LCA5: variants seen among roughly 807,000 people sequenced by gnomAD.
The protein encoded by LCA5 is lebercilin LCA5.
A neutral mutation model predicts 53.0 loss-of-function variants in LCA5; 37 were observed. The observed-to-expected ratio is 0.70, with a 90% confidence interval of 0.54 to 0.92. The LOEUF is 0.92. Ranked by LOEUF, LCA5 falls within the 40% of genes least tolerant of loss-of-function variation. The pLI is 0.00. For missense variants in LCA5, 806 were observed against 790.5 expected, an observed-to-expected ratio of 1.02 and a Z score of -0.23; for synonymous variants, 303 against 282.9, an observed-to-expected ratio of 1.07 and a Z score of -0.71.
At chr6:79,518,593 C>T (rs1287433844) in intron 2 of LCA5, 112 bp downstream of exon 2, 3 of 976,144 alleles carry the variant, frequency 3.1e-6, no homozygotes, top group Non-Finnish European at 4.9e-6. Context: ...CAGCCCACTT[C>T]CATGTATACA....
At chr6:79,493,099 A>C (rs1769887229) in intron 4 of LCA5, among the ~76,000 whole-genome samples, 1 of 152,106 alleles carries the variant, frequency 6.6e-6, no homozygotes, top group Non-Finnish European at 1.5e-5. Context: ...GATAATATAT[A>C]ATTTTGCACT....
upstream of LCA5, among the ~76,000 whole-genome samples, chr6:79,538,535 T>A (rs973922411): frequency 6.6e-6 from 1 of 152,198 alleles, no homozygotes; most frequent in African/African-American, 2.4e-5. Flanking sequence ...AGATGAGTAA[T>A]CCCTAAATTG....
intron 1 of LCA5, among the ~76,000 whole-genome samples, chr6:79,529,944 C>A (rs1211341560): frequency 8.8e-6 from 1 of 114,018 alleles, no homozygotes; most frequent in Non-Finnish European, 1.7e-5. Context: ...CATCACACAC[C>A]AGGGGCTGTT....
In LCA5 at chr6:79,485,901, A is replaced by G. The variant is rs914681205; in HGVS notation, c.*1103T>C. On this transcript the variant is annotated 3_prime_UTR_variant, in exon 8 of 8. Transcript: ENST00000369846. ...ATCCAAGGTCATCAACTTCTCTATA[A>G]GCTGAAGTGAATTACAAACAGCCAA... The G allele has an allele frequency of 3.3e-5, 5 of 152,196 alleles. No individual in the cohort carries two copies. Among genetic ancestry groups the G allele is most frequent in the East Asian group, 3.8e-4 (2 of 5,202 alleles). The allele number at this position is 152,196 out of a possible 1,614,324, so 9.4% of individuals were successfully genotyped here.
intron 1 of LCA5, among the ~76,000 whole-genome samples, chr6:79,531,338 G>T (rs1403183643): frequency 2.0e-5 from 3 of 152,060 alleles, no homozygotes; most frequent in Non-Finnish European, 2.9e-5. Context: ...CAAGGATTGT[G>T]CGTCTGCAAT....
intron 1 of LCA5, among the ~76,000 whole-genome samples, chr6:79,530,159 C>G (rs377285860): frequency 2.2e-4 from 34 of 151,910 alleles, no homozygotes; most frequent in African/African-American, 7.5e-4. Context: ...TATTTCTAAC[C>G]CAGGTTTTGA....
intron 3 of LCA5, among the ~76,000 whole-genome samples, chr6:79,504,860 T>C (rs1280030588): frequency 1.3e-5 from 2 of 152,150 alleles, no homozygotes; most frequent in Non-Finnish European, 2.9e-5. Context: ...CATGATAATA[T>C]GTAAAAAGTG....
intron 3 of LCA5, among the ~76,000 whole-genome samples, chr6:79,507,276 A>AT (rs968969748): frequency 9.2e-5 from 14 of 152,130 alleles, no homozygotes; most frequent in African/African-American, 2.4e-4. Flanking sequence ...GGAAATATAG[A>AT]TTTTTTGTTA....
chr6:79,501,604 C>T (rs1299351161), intron 3 of LCA5, among the ~76,000 whole-genome samples: 2 of 151,744 alleles, frequency 1.3e-5, no homozygotes, highest in Non-Finnish European at 2.9e-5. Flanking sequence ...GAAAGGCTTA[C>T]TGAATTTACT....
At chr6:79,491,849 T>C in intron 5 of LCA5, 119 bp from the exon 6 acceptor site, 1 of 780,672 alleles carries the variant, frequency 1.3e-6, no homozygotes, top group East Asian at 2.7e-5. Context: ...TACATTTATA[T>C]GCACCACTTC....
intron 2 of LCA5, 120 bp downstream of exon 2, chr6:79,518,585 G>T: frequency 1.1e-6 from 1 of 892,520 alleles, no homozygotes; most frequent in Non-Finnish European, 1.9e-6. Flanking sequence ...ACGTAAATCA[G>T]CCCACTTCCA....
chr6:79,520,154 TAGTAC>T (rs1006402223), intron 1 of LCA5, among the ~76,000 whole-genome samples: 18 of 152,146 alleles, frequency 1.2e-4, no homozygotes, highest in African/African-American at 3.9e-4. Flanking sequence ...ATATTTAATG[TAGTAC>T]AGTACTTTTT....
chr6:79,493,374 T>G (rs1769892816), intron 4 of LCA5, among the ~76,000 whole-genome samples: 1 of 152,168 alleles, frequency 6.6e-6, no homozygotes, highest in African/African-American at 2.4e-5. Context: ...ACAATTTACT[T>G]CAGTTACATC....
At chr6:79,517,426 A>C (rs1766470705) in intron 2 of LCA5, among the ~76,000 whole-genome samples, 1 of 152,082 alleles carries the variant, frequency 6.6e-6, no homozygotes, top group South Asian at 2.1e-4. Context: ...ATTTCTTGAG[A>C]CTAACAGGCA....
intron 1 of LCA5, among the ~76,000 whole-genome samples, chr6:79,523,302 G>A (rs1240453165): frequency 1.3e-5 from 2 of 151,882 alleles, no homozygotes; most frequent in African/African-American, 4.8e-5. Flanking sequence ...CTGCAATCAA[G>A]TGAAAAAATA....
chr6:79,518,689 T>C lies in LCA5; in HGVS notation c.190+16A>G, dbSNP rs1357557763. ...GAGTCTTCTAGGTCCACCAGACTCT[T>C]TTAAAGAATGCTTACCTTGGTGATG... On this transcript the variant is annotated intron_variant, in intron 2 of 7. Transcript: ENST00000369846. 2.5e-6 allele frequency: 4 copies of C among 1,613,374 alleles called. No homozygotes were observed. Among genetic ancestry groups the C allele is most frequent in the East Asian group, 4.5e-5 (2 of 44,868 alleles).
At chr6:79,534,018 C>T (rs1280493224) in intron 1 of LCA5, among the ~76,000 whole-genome samples, 2 of 149,700 alleles carry the variant, frequency 1.3e-5, no homozygotes, top group Non-Finnish European at 3.0e-5. Flanking sequence ...AAGTAAAAAC[C>T]ATATTGCTAC....
chr6:79,507,277 T>C (rs1284457360), intron 3 of LCA5, among the ~76,000 whole-genome samples: 4 of 152,124 alleles, frequency 2.6e-5, no homozygotes, highest in Non-Finnish European at 5.9e-5. Context: ...GAAATATAGA[T>C]TTTTTGTTAA....
chr6:79,523,589 A>T (rs1766691154), intron 1 of LCA5, among the ~76,000 whole-genome samples: 1 of 152,242 alleles, frequency 6.6e-6, no homozygotes, highest in Non-Finnish European at 1.5e-5. Context: ...GTAAATTATA[A>T]CTGATGTTCT....
Sources: allele counts gnomAD v4.1 joint callset (sites outside exome capture counted in the v4.1 genomes callset), GRCh38; gene constraint gnomAD v4.1.1; transcripts MANE v1.5; gene names NCBI Gene and HGNC (gene_info 2026-07-23, HGNC 2026-07-21).